Variants in NABP1 observed in about 807,000 individuals in gnomAD.
NABP1 encodes SOSS complex subunit B2.
NABP1 carries 18 observed loss-of-function variants against 25.0 expected under a neutral mutation model. The ratio of observed to expected loss-of-function variants is 0.72; its 90% CI spans 0.50 to 1.07. The LOEUF (loss-of-function observed/expected upper bound fraction) is 1.07. Ranked by LOEUF, NABP1 falls within the 50% of genes least tolerant of loss-of-function variation. NABP1 has a pLI of 0.00. For synonymous variants in NABP1, 71 were observed against 85.0 expected (o/e 0.84, Z 0.91); for missense variants, 270 against 255.6 (o/e 1.06, Z -0.39).
intron 4 of NABP1, 50 bp from the exon 5 acceptor site, chr2:191,684,175 AATAAT>A (rs1687756160): frequency 9.2e-7 from 1 of 1,092,658 alleles, no homozygotes; most frequent in Admixed American, 2.5e-5. Flanking sequence ...ATAATGTTGT[AATAAT>A]ATAATTGTGT....
Position 191,678,541 on chromosome 2 carries a change from C to A in NABP1, c.-74C>A. 8.8e-7 allele frequency: 1 copy of A among 1,131,762 alleles called. No homozygotes were observed. The allele number at this position is 1,131,762 out of a possible 1,614,324, so 70.1% of individuals were successfully genotyped here. A position where few individuals can be genotyped will look rare whatever the true frequency, so the allele number is the denominator to read the frequency against. ...GTCGCCCCTCTGCCTTCGCCCCTGT[C>A]CCGGGAGGGTGGGAAGCTTTGACCC... is the stretch of plus-strand genomic sequence containing the variant. On this transcript the variant is annotated 5_prime_UTR_variant, in exon 1 of 6. Coordinates refer to ENST00000425611, the MANE Select transcript of NABP1 (RefSeq NM_001031716.5).
chr2:191,686,011 A>T lies in NABP1; in HGVS notation c.*243A>T. 2.6e-6 allele frequency: 1 copy of T among 382,874 alleles called. No individual in the cohort carries two copies. Among genetic ancestry groups the T allele is most frequent in the Non-Finnish European group, 4.7e-6 (1 of 212,714 alleles). 23.7% of individuals were successfully genotyped at this position (382,874 alleles called of 1,614,324 possible). On this transcript the variant is annotated 3_prime_UTR_variant, in exon 6 of 6. Transcript: ENST00000425611. ...ATTTTTAGAGTAAAAAGATTATTGG[A>T]TAGCCTTTAAAAAACCTGCACCCAT... is the stretch of plus-strand genomic sequence containing the variant.
chr2:191,683,784 C>G lies in NABP1; in HGVS notation c.358C>G (p.Arg120Gly). The change falls in exon 4 of 6, where the codon CGA becomes GGA. Residue 120 changes from arginine (R) to glycine (G), a missense_variant. Coordinates refer to ENST00000425611, the MANE Select transcript of NABP1 (RefSeq NM_001031716.5). The surrounding 1 kb of genome is among the most constrained non-coding windows in gnomAD (Gnocchi z 4.1). ...TTTCAGTGAACCCAACCCAGATTAT[C>G]GAGGACAGCAGAACAAAGGGGTAAT... is the stretch of plus-strand genomic sequence containing the variant. ...PNFSEPNPDY[R>G]GQQNKGAQSE... 1 of 1,608,978 alleles carries G rather than the reference C, an allele frequency of 6.2e-7. No homozygotes were observed. The highest frequency in any genetic ancestry group is 8.5e-7 in the Non-Finnish European group (1 of 1,178,580).
At chr2:191,680,681 T>C (rs933111939) in intron 2 of NABP1, among the ~76,000 whole-genome samples, 11 of 152,222 alleles carry the variant, frequency 7.2e-5, no homozygotes, top group African/African-American at 2.2e-4. Flanking sequence ...ATTAAACTTA[T>C]TAGTTAGGTA....
intron 1 of NABP1, 50 bp from the exon 2 acceptor site, chr2:191,678,940 A>C (rs762917509): frequency 1.2e-6 from 2 of 1,613,198 alleles, no homozygotes; most frequent in South Asian, 2.2e-5. Flanking sequence ...GCCTTTCTGG[A>C]TGTCCTCATT....
chr2:191,678,552 G>T lies in NABP1; in HGVS notation c.-63G>T. ...GCCTTCGCCCCTGTCCCGGGAGGGT[G>T]GGAAGCTTTGACCCCGCCCTGCCCA... On this transcript the variant is annotated 5_prime_UTR_variant, in exon 1 of 6. Coordinates refer to ENST00000425611, the MANE Select transcript of NABP1 (RefSeq NM_001031716.5). The T allele has an allele frequency of 8.1e-7, 1 of 1,239,396 alleles. No homozygotes were observed. Among genetic ancestry groups the T allele is most frequent in the East Asian group, 2.3e-5 (1 of 42,838 alleles). The allele number at this position is 1,239,396 out of a possible 1,614,324, so 76.8% of individuals were successfully genotyped here.
chr2:191,685,571 A>C, intron 5 of NABP1, 28 bp from the exon 6 acceptor site: 1 of 1,580,510 alleles, frequency 6.3e-7, no homozygotes, highest in Non-Finnish European at 8.6e-7. Flanking sequence ...CTCTGAAAAT[A>C]GTGATGAATT....
intron 3 of NABP1, chr2:191,682,849 T>C (rs549923278): frequency 1.9e-5 from 5 of 263,422 alleles, no homozygotes; most frequent in South Asian, 7.6e-5. Flanking sequence ...GAAATGATCA[T>C]GCTAGCTTTT....
At chr2:191,681,620 T>G (rs1687688261) in intron 2 of NABP1, among the ~76,000 whole-genome samples, 1 of 152,224 alleles carries the variant, frequency 6.6e-6, no homozygotes, top group Non-Finnish European at 1.5e-5. Flanking sequence ...CTGTTTAAAT[T>G]TCTGCAATTA....
intron 1 of NABP1, 50 bp downstream of exon 1, chr2:191,678,755 G>C (rs1009033321): frequency 1.3e-6 from 2 of 1,522,656 alleles, no homozygotes; most frequent in Non-Finnish European, 1.8e-6. Context: ...CTCCCGGGGC[G>C]GGAGACAGGG....
chr2:191,684,823 A>G (rs1272496848), intron 5 of NABP1: 2 of 152,336 alleles, frequency 1.3e-5, no homozygotes, highest in African/African-American at 2.4e-5. Flanking sequence ...GTCTTTTGTG[A>G]TTAGAGTTCA....
At chr2:191,681,506 T>C (rs1389142424) in intron 2 of NABP1, among the ~76,000 whole-genome samples, 3 of 152,332 alleles carry the variant, frequency 2.0e-5, no homozygotes, top group Non-Finnish European at 4.4e-5. Flanking sequence ...AGGAATCCTG[T>C]GTCTTTTATG....
intron 1 of NABP1, 56 bp downstream of exon 1, chr2:191,678,761 C>G: frequency 2.6e-6 from 4 of 1,516,530 alleles, no homozygotes; most frequent in Non-Finnish European, 3.6e-6. Flanking sequence ...GGGCGGGAGA[C>G]AGGGGCGCCG....
intron 2 of NABP1, among the ~76,000 whole-genome samples, chr2:191,681,056 C>T (rs1281036597): frequency 2.6e-5 from 4 of 152,048 alleles, no homozygotes; most frequent in Non-Finnish European, 5.9e-5. Flanking sequence ...TAATTGTAAC[C>T]AAATTTTTTC....
Position 191,684,409 on chromosome 2 carries a change from T to C in NABP1, c.445+113T>C, listed in dbSNP as rs74443791. 2.1e-3 allele frequency: 1,362 copies of C among 646,578 alleles called. 26 individuals carry two copies. The East Asian group carries it at 0.038, about 18-fold the overall frequency. 40.1% of individuals were successfully genotyped at this position (646,578 alleles called of 1,614,324 possible). The stretch of plus-strand genomic sequence containing the variant: ...GCATAAATTAGTGATAAAGGTGAAC[T>C]ACCAGTAAACAGGGAATCCCCAAAG... On this transcript the variant is annotated intron_variant, in intron 5 of 5. Transcript: ENST00000425611.
Position 191,678,548 on chromosome 2 carries a change from G to A in NABP1, c.-67G>A. 1 of 1,189,772 alleles carries A rather than the reference G, an allele frequency of 8.4e-7. No individual in the cohort carries two copies. The highest frequency in any genetic ancestry group is 1.2e-6 in the Non-Finnish European group (1 of 823,604). The allele number at this position is 1,189,772 out of a possible 1,614,324, so 73.7% of individuals were successfully genotyped here. A position where few individuals can be genotyped will look rare whatever the true frequency, so the allele number is the denominator to read the frequency against. On this transcript the variant is annotated 5_prime_UTR_variant, in exon 1 of 6. Coordinates refer to ENST00000425611, the MANE Select transcript of NABP1 (RefSeq NM_001031716.5). Reference sequence around the variant, plus strand: ...CTCTGCCTTCGCCCCTGTCCCGGGAGGGTGGGAAGCTTTGACCCCGCCCTG... The same window carrying A: ...CTCTGCCTTCGCCCCTGTCCCGGGAAGGTGGGAAGCTTTGACCCCGCCCTG...
At chr2:191,678,917 G>A in intron 1 of NABP1, 73 bp from the exon 2 acceptor site, 4 of 1,590,088 alleles carry the variant, frequency 2.5e-6, no homozygotes, top group South Asian at 1.1e-5. Flanking sequence ...TTAAAATACC[G>A]GAGGAGGAGT....
At position 191,686,812 on chromosome 2, in the gene NABP1, A is replaced by T. The variant is rs905293011; in HGVS notation, c.*1044A>T. 6.6e-6 allele frequency: 1 copy of T among 152,660 alleles called. No homozygotes were observed. The highest frequency in any genetic ancestry group is 2.4e-5 in the African/African-American group (1 of 41,460). 9.5% of individuals were successfully genotyped at this position (152,660 alleles called of 1,614,324 possible). A position where few individuals can be genotyped will look rare whatever the true frequency, so the allele number is the denominator to read the frequency against. On this transcript the variant is annotated 3_prime_UTR_variant, in exon 6 of 6. Coordinates refer to ENST00000425611, the MANE Select transcript of NABP1 (RefSeq NM_001031716.5). ...CAATTGCAGCTTTATTCAGAAATAT[A>T]AAAGTGGAATTTATGTACATGTCAT...
Position 191,683,778 on chromosome 2 carries a change from G to A in NABP1, c.352G>A (p.Asp118Asn). Residue 118 changes from aspartate (D) to asparagine (N), a missense_variant, in exon 4 of 6, where the codon GAT becomes AAT. Asp to Asn is a conservative substitution (Grantham distance 23). Coordinates refer to ENST00000425611, the MANE Select transcript of NABP1 (RefSeq NM_001031716.5). The surrounding 1 kb of genome is among the most constrained non-coding windows in gnomAD (Gnocchi z 4.1). Reference sequence around the variant, plus strand: ...GCCAAATTTCAGTGAACCCAACCCAGATTATCGAGGACAGCAGAACAAAGG... The same window carrying A: ...GCCAAATTTCAGTGAACCCAACCCAAATTATCGAGGACAGCAGAACAAAGG... ...EVPNFSEPNP[D>N]YRGQQNKGAQ... 6.2e-7 allele frequency: 1 copy of A among 1,609,154 alleles called. No homozygotes were observed. The highest frequency in any genetic ancestry group is 8.5e-7 in the Non-Finnish European group (1 of 1,178,800).
Sources: gnomAD v4.1 joint callset for allele counts (sites outside exome capture counted in the v4.1 genomes callset) on GRCh38, gnomAD v4.1.1 for gene constraint, Gnocchi (gnomAD v3.1) non-coding constraint, MANE v1.5 for transcripts, NCBI Gene and HGNC (gene_info 2026-07-23, HGNC 2026-07-21) for gene names.